The following PGM3 variants were observed in gnomAD, a reference collection of about 807,000 sequenced individuals.
PGM3 encodes phosphoacetylglucosamine mutase.
PGM3 carries 40 observed loss-of-function variants against 66.2 expected under a neutral mutation model. That is an observed-to-expected ratio of 0.60 (90% CI 0.47 to 0.79). PGM3 has a LOEUF of 0.79. Among genes scored for constraint, PGM3 ranks in the 30% least tolerant of loss-of-function variants. The probability of loss-of-function intolerance (pLI) is 0.00; values close to 1 mark genes in which losing one functional copy is unlikely to be tolerated. For missense variants in PGM3, 537 were observed against 643.4 expected, an observed-to-expected ratio of 0.83 and a Z score of 1.79; for synonymous variants, 191 against 224.2, an observed-to-expected ratio of 0.85 and a Z score of 1.32.
At position 83,182,842 on chromosome 6, in the gene PGM3, C is replaced by T. The variant is rs767231882; in HGVS notation, c.591+3G>A. 2.5e-6 allele frequency: 4 copies of T among 1,612,976 alleles called. No individual in the cohort carries two copies. The highest frequency in any genetic ancestry group is 2.5e-6 in the Non-Finnish European group (3 of 1,179,344). ...CTTTAACCATGTTCAATAAACTTTT[C>T]ACCTGTTTGGTGAGTTCCACAAAAG... On this transcript the variant is annotated splice_donor_region_variant and intron_variant, in intron 5 of 12. Coordinates refer to ENST00000513973, the MANE Select transcript of PGM3 (RefSeq NM_015599.3).
At chr6:83,185,393 T>C in intron 4 of PGM3, among the ~76,000 whole-genome samples, 1 of 152,248 alleles carries the variant, frequency 6.6e-6, no homozygotes, top group East Asian at 1.9e-4. Context: ...TTACTATGGG[T>C]TGTGATACAC....
chr6:83,158,617 T>A (rs770196227), downstream of PGM3: 1 of 1,602,258 alleles, frequency 6.2e-7, no homozygotes, highest in Non-Finnish European at 8.5e-7. Context: ...ATGAAGATAT[T>A]TCACGGTAAT....
the PGM3 span, among the ~76,000 whole-genome samples, chr6:83,152,571 T>A: frequency 1.3e-5 from 2 of 151,970 alleles, no homozygotes; most frequent in Non-Finnish European, 2.9e-5. Flanking sequence ...ATTTAGATAC[T>A]GCTTCCCTTC....
At position 83,164,874 on chromosome 6, in the gene PGM3, T is replaced by C. The variant is rs532751872; in HGVS notation, c.*4360A>G. ...CTGGTGAAGTCAAAGGAGAAATCATTTGTATGGAAACATTTGACTTTATTT... is the reference window on the plus strand; with the variant it reads ...CTGGTGAAGTCAAAGGAGAAATCATCTGTATGGAAACATTTGACTTTATTT... On this transcript the variant is annotated 3_prime_UTR_variant, in exon 13 of 13. Coordinates refer to ENST00000513973, the MANE Select transcript of PGM3 (RefSeq NM_015599.3). 134 of 606,644 alleles carry C rather than the reference T, an allele frequency of 2.2e-4. 1 individual carries two copies. In the African/African-American group the frequency reaches 2.4e-3, roughly 11 times the overall value. The allele number at this position is 606,644 out of a possible 1,614,324, so 37.6% of individuals were successfully genotyped here. A position where few individuals can be genotyped will look rare whatever the true frequency, so the allele number is the denominator to read the frequency against.
At chr6:83,185,050 C>G (rs1788471141) in intron 4 of PGM3, among the ~76,000 whole-genome samples, 1 of 152,174 alleles carries the variant, frequency 6.6e-6, no homozygotes, top group African/African-American at 2.4e-5. Flanking sequence ...GACTAAAACA[C>G]TAGAAGAGTG....
At chr6:83,152,024 G>A in the PGM3 span, 2 of 1,613,766 alleles carry the variant, frequency 1.2e-6, no homozygotes, top group East Asian at 2.2e-5. Context: ...ATCTGATGTT[G>A]AAGGTATTCT....
chr6:83,171,284 ATTTATATCTATTTTTAATTTT>A (rs1189062989), intron 11 of PGM3: 2 of 152,170 alleles, frequency 1.3e-5, no homozygotes, highest in Admixed American at 6.5e-5. Flanking sequence ...GTTTCTCTAC[ATTTATATCTATTTTTAATTTT>A]TTTATATCTA....
chr6:83,164,532 C>A, downstream of PGM3: 1 of 913,316 alleles, frequency 1.1e-6, no homozygotes, highest in Non-Finnish European at 1.7e-6. Flanking sequence ...AAATTTGTCC[C>A]ACAGAATAAG....
In PGM3 at chr6:83,188,732, C is replaced by G; in HGVS notation, c.271G>C (p.Ala91Pro). 1 of 1,614,058 alleles carries G rather than the reference C, an allele frequency of 6.2e-7. No homozygotes were observed. Among genetic ancestry groups the G allele is most frequent in the South Asian group, 1.1e-5 (1 of 91,080 alleles). ...TCCTCAGCATTTGCTAAACAGGTGG[C>G]ATGTTCCTCCCAGGATGGTGCCAAC... ...EMLAPSWEEH[A>P]TCLANAEEQD... Residue 91 changes from alanine (A) to proline (P), a missense_variant, in exon 3 of 13, where the codon GCC (alanine) becomes CCC (proline). Coordinates refer to ENST00000513973, the MANE Select transcript of PGM3 (RefSeq NM_015599.3).
At chr6:83,175,891 C>A (rs1204189482) in intron 9 of PGM3, 71 bp downstream of exon 9, 5 of 780,390 alleles carry the variant, frequency 6.4e-6, no homozygotes, top group Non-Finnish European at 1.1e-5. Flanking sequence ...CCTATTATTA[C>A]CTCCCAGATA....
downstream of PGM3, among the ~76,000 whole-genome samples, chr6:83,157,581 G>T (rs1783078767): frequency 6.6e-6 from 1 of 152,176 alleles, no homozygotes; most frequent in African/African-American, 2.4e-5. Context: ...TGTTTAGTCT[G>T]TACTACACTA....
the PGM3 span, chr6:83,151,720 G>C: frequency 2.2e-5 from 34 of 1,518,212 alleles, no homozygotes; most frequent in African/African-American, 2.9e-4. Flanking sequence ...TTGAAAATGA[G>C]AGAGTCAAAT....
chr6:83,191,209 G>A (rs1019772614), intron 1 of PGM3, 195 bp from the exon 2 acceptor site: 2 of 1,534,878 alleles, frequency 1.3e-6, no homozygotes, highest in Non-Finnish European at 1.7e-6. Flanking sequence ...GTCCAACTTG[G>A]TATGTCCACT....
chr6:83,156,662 G>A (rs894711622), downstream of PGM3, among the ~76,000 whole-genome samples: 4 of 152,168 alleles, frequency 2.6e-5, no homozygotes, highest in African/African-American at 7.2e-5. Flanking sequence ...TTTGCTGCTC[G>A]AGTCAGCATA....
chr6:83,173,984 CCTT>C (rs1787552078), intron 10 of PGM3, among the ~76,000 whole-genome samples: 1 of 151,890 alleles, frequency 6.6e-6, no homozygotes, highest in South Asian at 2.1e-4. Flanking sequence ...GATCCGCCCT[CCTT>C]GGCCTCCCAA....
At chr6:83,158,317 A>T (rs1783326692), downstream of PGM3, among the ~76,000 whole-genome samples, 1 of 152,090 alleles carries the variant, frequency 6.6e-6, no homozygotes, top group African/African-American at 2.4e-5. Flanking sequence ...TCCTTTTTTA[A>T]TAACTAACTC....
At chr6:83,153,384 G>C in the PGM3 span, 155 of 533,250 alleles carry the variant, frequency 2.9e-4, no homozygotes, top group African/African-American at 2.3e-3. Context: ...AAATGATTCA[G>C]GAAGATTTAA....
At chr6:83,173,243 T>A (rs1787439705) in intron 10 of PGM3, among the ~76,000 whole-genome samples, 2 of 152,118 alleles carry the variant, frequency 1.3e-5, no homozygotes, top group African/African-American at 2.4e-5. Flanking sequence ...TGTGGATGGA[T>A]AAAATACGAA....
At position 83,188,684 on chromosome 6, in the gene PGM3, T is replaced by C; in HGVS notation, c.319A>G (p.Ile107Val). ...AEEQDMQRVL[I>V]DISEKEAVNL... ...ACAGCTTCTTTCTCGCTGATGTCAA[T>C]AAGCACTCTCTGCATATCTTGTTCC... is the stretch of plus-strand genomic sequence containing the variant. The change falls in exon 3 of 13, where the codon ATT (isoleucine) becomes GTT (valine). Residue 107 changes from isoleucine (I) to valine (V), a missense_variant. Ile to Val is a conservative substitution (Grantham distance 29). Coordinates refer to ENST00000513973, the MANE Select transcript of PGM3 (RefSeq NM_015599.3). 6.2e-7 allele frequency: 1 copy of C among 1,613,996 alleles called. No homozygotes were observed.
Sources: allele counts gnomAD v4.1 joint callset (sites outside exome capture counted in the v4.1 genomes callset), GRCh38; gene constraint gnomAD v4.1.1; transcripts MANE v1.5; gene names NCBI Gene and HGNC (gene_info 2026-07-23, HGNC 2026-07-21).